PIBF1: variants seen among roughly 807,000 people sequenced by gnomAD.
The protein encoded by PIBF1 is progesterone immunomodulatory binding factor 1, also known as progesterone-induced-blocking factor 1.
PIBF1 carries 90 observed loss-of-function variants against 112.5 expected under a neutral mutation model. That is an observed-to-expected ratio of 0.80 (90% CI 0.67 to 0.95). The LOEUF (loss-of-function observed/expected upper bound fraction) is 0.95, where lower values mean the gene tolerates loss of function less well. Ranked by LOEUF, PIBF1 falls within the 40% of genes least tolerant of loss-of-function variation. The pLI is 0.00. For synonymous variants in PIBF1, 301 were observed against 288.6 expected, an observed-to-expected ratio of 1.04 and a Z score of -0.44; for missense variants, 915 against 852.3, an observed-to-expected ratio of 1.07 and a Z score of -0.92.
Position 72,927,954 on chromosome 13 carries a change from TATATACAC to T in PIBF1, c.1731-3205_1731-3198del, listed in dbSNP as rs1379260580. Among the ~76,000 whole-genome samples the T allele has an allele frequency of 2.1e-4, 13 of 62,448 alleles. 1 individual carries two copies. In the South Asian group the frequency reaches 7.7e-3, roughly 37 times the overall value. The allele number at this position is 62,448 out of a possible 152,430, so 41.0% of individuals were successfully genotyped here. On this transcript the variant is annotated intron_variant, in intron 13 of 17. Coordinates refer to ENST00000326291, the MANE Select transcript of PIBF1 (RefSeq NM_006346.4). ...TTTCTAATATATGTGTGTATATATA[TATATACAC>T]ATATATATATATATACATATATATA... is the stretch of plus-strand genomic sequence containing the variant.
chr13:72,820,959 G>C (rs901211661), intron 5 of PIBF1, among the ~76,000 whole-genome samples: 2 of 152,152 alleles, frequency 1.3e-5, no homozygotes, highest in East Asian at 3.8e-4. Flanking sequence ...GAGGTCCAGC[G>C]TTGAGCAAGA....
chr13:72,834,209 T>C (rs951373361), intron 8 of PIBF1, among the ~76,000 whole-genome samples: 1 of 152,238 alleles, frequency 6.6e-6, no homozygotes, highest in African/African-American at 2.4e-5. Flanking sequence ...TTTTAACTTA[T>C]ATGCCCTTCA....
rs140231888 is a variant in PIBF1 at position 72,835,218 on chromosome 13, G to C, written c.1098-25G>C. ...CTATTTGTTTCAAAAGAAAATTTAT[G>C]GTTGTTCCTTTTCACTCCTTGCAGA... On this transcript the variant is annotated intron_variant, in intron 8 of 17. Transcript: ENST00000326291. The C allele has an allele frequency of 4.2e-5, 64 of 1,509,528 alleles. No individual in the cohort carries two copies. The African/African-American group carries it at 7.7e-4, about 18-fold the overall frequency. 93.5% of individuals were successfully genotyped at this position (1,509,528 alleles called of 1,614,324 possible). A position where few individuals can be genotyped will look rare whatever the true frequency, so the allele number is the denominator to read the frequency against.
intron 15 of PIBF1, among the ~76,000 whole-genome samples, chr13:72,972,988 G>A (rs2042935044): frequency 6.6e-6 from 1 of 152,148 alleles, no homozygotes; most frequent in Admixed American, 6.5e-5. Context: ...TACCTTTTAT[G>A]TGAGTTTCTT....
chr13:72,894,138 CAAAA>C (rs1041509012), intron 11 of PIBF1, among the ~76,000 whole-genome samples, 189 bp downstream of exon 11: 2 of 127,634 alleles, frequency 1.6e-5, no homozygotes, highest in African/African-American at 3.0e-5. Flanking sequence ...TGTTGAGAAA[CAAAA>C]AAAGCAAGAA....
At chr13:72,909,642 C>T (rs532517164) in intron 12 of PIBF1, among the ~76,000 whole-genome samples, 75 of 151,950 alleles carry the variant, frequency 4.9e-4, no homozygotes, top group African/African-American at 1.7e-3. Context: ...TACAGGCATG[C>T]GCCACCACAC....
intron 17 of PIBF1, among the ~76,000 whole-genome samples, chr13:73,013,683 G>A (rs1223164361): frequency 2.8e-5 from 4 of 142,458 alleles, no homozygotes; most frequent in Admixed American, 7.8e-5. Context: ...GCTACAGTTA[G>A]CCATGATCAT....
intron 17 of PIBF1, among the ~76,000 whole-genome samples, chr13:73,011,462 GA>G (rs1404872382): frequency 6.6e-6 from 1 of 152,144 alleles, no homozygotes; most frequent in Non-Finnish European, 1.5e-5. Context: ...AAATATGTTA[GA>G]GAACTCAGTT....
At chr13:73,004,439 C>T (rs1274544134) in intron 17 of PIBF1, among the ~76,000 whole-genome samples, 1 of 149,308 alleles carries the variant, frequency 6.7e-6, no homozygotes, top group Non-Finnish European at 1.5e-5. Flanking sequence ...TGCATTGAGC[C>T]GAGATTGTGC....
intron 8 of PIBF1, among the ~76,000 whole-genome samples, chr13:72,831,107 G>A (rs746306337): frequency 2.4e-4 from 36 of 151,954 alleles, no homozygotes; most frequent in South Asian, 4.1e-4. Flanking sequence ...GGGATCGTTG[G>A]TGAGCTCCCC....
intron 14 of PIBF1, among the ~76,000 whole-genome samples, chr13:72,950,823 T>G (rs1398541355): frequency 6.6e-6 from 1 of 152,168 alleles, no homozygotes; most frequent in Non-Finnish European, 1.5e-5. Flanking sequence ...TTTTGTCAAG[T>G]GAAATATATA....
intron 14 of PIBF1, among the ~76,000 whole-genome samples, chr13:72,953,436 G>A (rs2042357612): frequency 6.6e-6 from 1 of 152,210 alleles, no homozygotes; most frequent in African/African-American, 2.4e-5. Flanking sequence ...CTGCTCAGTG[G>A]GACTCCCACA....
At chr13:72,903,933 T>C (rs1481851092) in intron 11 of PIBF1, among the ~76,000 whole-genome samples, 1 of 152,204 alleles carries the variant, frequency 6.6e-6, no homozygotes. Flanking sequence ...TTGTTATATC[T>C]GTTTGGCTCA....
chr13:72,819,597 T>A (rs2036448305), intron 5 of PIBF1, among the ~76,000 whole-genome samples: 1 of 152,088 alleles, frequency 6.6e-6, no homozygotes, highest in Admixed American at 6.6e-5. Flanking sequence ...ACTTACGAGC[T>A]CTGAGACTTT....
At chr13:72,981,283 TAAATA>T (rs1424817345) in intron 16 of PIBF1, among the ~76,000 whole-genome samples, 22 of 149,676 alleles carry the variant, frequency 1.5e-4, no homozygotes, top group African/African-American at 4.2e-4. Context: ...AATAAATAAA[TAAATA>T]AAATAAAAAT....
intron 10 of PIBF1, among the ~76,000 whole-genome samples, chr13:72,870,480 G>A (rs1303706742): frequency 2.0e-5 from 3 of 152,152 alleles, no homozygotes; most frequent in African/African-American, 7.2e-5. Flanking sequence ...GAAATAAAAT[G>A]CCAAAGTATC....
At chr13:73,005,000 C>G (rs756687237) in intron 17 of PIBF1, among the ~76,000 whole-genome samples, 8 of 152,106 alleles carry the variant, frequency 5.3e-5, no homozygotes, top group Non-Finnish European at 1.2e-4. Context: ...GCCTGACCAA[C>G]ATGGAGAAAT....
intron 14 of PIBF1, among the ~76,000 whole-genome samples, chr13:72,952,376 G>A (rs1181172705): frequency 4.0e-5 from 6 of 151,568 alleles, no homozygotes; most frequent in Non-Finnish European, 8.8e-5. Context: ...CTTTATGTTG[G>A]TTTTCACCTT....
chr13:72,975,257 G>C (rs1035678208), intron 16 of PIBF1, among the ~76,000 whole-genome samples: 1 of 151,924 alleles, frequency 6.6e-6, no homozygotes, highest in Non-Finnish European at 1.5e-5. Context: ...GTTTCGGCAT[G>C]GTTGGCCAGG....
Sources: allele counts gnomAD v4.1 joint callset (sites outside exome capture counted in the v4.1 genomes callset), GRCh38; gene constraint gnomAD v4.1.1; transcripts MANE v1.5; gene names NCBI Gene and HGNC (gene_info 2026-07-23, HGNC 2026-07-21).